ANKRD12: variants seen among roughly 807,000 people sequenced by gnomAD.
The protein encoded by ANKRD12 is ankyrin repeat domain-containing protein 12.
ANKRD12 carries 85 observed loss-of-function variants against 183.4 expected under a neutral mutation model. That is an observed-to-expected ratio of 0.46 (90% CI 0.39 to 0.56). The LOEUF (loss-of-function observed/expected upper bound fraction) is 0.56, where lower values mean the gene tolerates loss of function less well. ANKRD12 is among the 20% of genes least tolerant of loss of function. The pLI, the probability that ANKRD12 is intolerant of heterozygous loss-of-function variation, is 0.00. For synonymous variants in ANKRD12, 914 were observed against 800.2 expected, an observed-to-expected ratio of 1.14 and a Z score of -2.40; for missense variants, 2,405 against 2,357.1, an observed-to-expected ratio of 1.02 and a Z score of -0.42.
chr18:9,162,681 G>A (rs1307047827), intron 1 of ANKRD12, among the ~76,000 whole-genome samples: 1 of 152,136 alleles, frequency 6.6e-6, no homozygotes, highest in Non-Finnish European at 1.5e-5. Context: ...CAGTGTAAAA[G>A]CATTTCTTTT....
At chr18:9,241,573 G>T (rs1167346690) in intron 8 of ANKRD12, among the ~76,000 whole-genome samples, 2 of 152,162 alleles carry the variant, frequency 1.3e-5, no homozygotes, top group Non-Finnish European at 2.9e-5. Context: ...ATATCCCTGT[G>T]ATGTGAGTGC....
intron 2 of ANKRD12, among the ~76,000 whole-genome samples, chr18:9,191,918 G>A (rs938465561): frequency 3.2e-4 from 48 of 152,224 alleles, no homozygotes; most frequent in Non-Finnish European, 5.6e-4. Context: ...ATTATTCAAG[G>A]TAGCCAATCC....
At chr18:9,137,371 G>C (rs959501183) in intron 1 of ANKRD12, among the ~76,000 whole-genome samples, 4 of 146,474 alleles carry the variant, frequency 2.7e-5, no homozygotes, top group African/African-American at 9.8e-5. Flanking sequence ...GCGGCTGGCG[G>C]GGCTGGGCTG....
At chr18:9,152,705 G>A (rs964035064) in intron 1 of ANKRD12, among the ~76,000 whole-genome samples, 1 of 151,682 alleles carries the variant, frequency 6.6e-6, no homozygotes, top group Admixed American at 6.6e-5. Flanking sequence ...ATGTTCATTT[G>A]TTTTCAAAGG....
intron 3 of ANKRD12, 116 bp downstream of exon 3, chr18:9,195,814 C>T: frequency 2.1e-6 from 2 of 965,402 alleles, no homozygotes; most frequent in Non-Finnish European, 2.9e-6. Context: ...TTGTATTTCA[C>T]TATTTCAGAT....
rs1176383657 is a variant in ANKRD12, at chr18:9,208,822, G to C, written c.451+19G>C. 1 of 1,494,984 alleles carries C rather than the reference G, an allele frequency of 6.7e-7. No individual in the cohort carries two copies. The highest frequency in any genetic ancestry group is 2.4e-5 in the East Asian group (1 of 41,598). The allele number at this position is 1,494,984 out of a possible 1,614,324, so 92.6% of individuals were successfully genotyped here. On this transcript the variant is annotated intron_variant, in intron 5 of 12. Transcript: ENST00000262126. ...AGTCCAGGTGATACCTACCATCATT[G>C]AGTTAATGTGTATCCCTAGTTTTCC... is the stretch of plus-strand genomic sequence containing the variant.
rs527890099 is a variant in ANKRD12 at position 9,191,862 on chromosome 18, A to C, written c.88-3689A>C. 2.3e-3 allele frequency among the ~76,000 whole-genome samples: 349 copies of C among 152,256 alleles called. 1 individual carries two copies. The highest frequency in any genetic ancestry group is 4.0e-3 in the Admixed American group (61 of 15,298). ...CATCTGTCCTAATCACCCCAGAACCAGGCACCAATTAGAGAAACAGCTCCC... is the reference window on the plus strand; with the variant it reads ...CATCTGTCCTAATCACCCCAGAACCCGGCACCAATTAGAGAAACAGCTCCC... On this transcript the variant is annotated intron_variant, in intron 2 of 12. Transcript: ENST00000262126.
intron 8 of ANKRD12, among the ~76,000 whole-genome samples, chr18:9,231,893 T>G (rs1391851357): frequency 6.6e-6 from 1 of 152,144 alleles, no homozygotes; most frequent in Non-Finnish European, 1.5e-5. Context: ...TGCTTTTGGT[T>G]TCCATTTGTG....
intron 10 of ANKRD12, among the ~76,000 whole-genome samples, chr18:9,273,590 A>G (rs2039702894): frequency 6.6e-6 from 1 of 152,218 alleles, no homozygotes; most frequent in Non-Finnish European, 1.5e-5. Context: ...CAACAAGTTA[A>G]ACAGAGTCAC....
rs142726362 is a variant in ANKRD12 at position 9,248,312 on chromosome 18, G to A, written c.944-5899G>A. 6.6e-3 allele frequency among the ~76,000 whole-genome samples: 1,010 copies of A among 152,282 alleles called. 22 individuals are homozygous for A. The highest frequency in any genetic ancestry group is 0.023 in the African/African-American group (953 of 41,554). On this transcript the variant is annotated intron_variant, in intron 8 of 12. Transcript: ENST00000262126. ...TCTTTTGAAACATTTGTGGCACTCA[G>A]TATTGACATAAACTTGCTGTACAAT...
chr18:9,252,682 G>A (rs890824328), intron 8 of ANKRD12, among the ~76,000 whole-genome samples: 1 of 152,152 alleles, frequency 6.6e-6, no homozygotes, highest in African/African-American at 2.4e-5. Flanking sequence ...ACAGGGCTGG[G>A]TGCTGGGTAC....
At position 9,282,107 on chromosome 18, in the gene ANKRD12, T is replaced by C. The variant is rs2040122619; in HGVS notation, c.*981T>C. On this transcript the variant is annotated 3_prime_UTR_variant, in exon 13 of 13. Coordinates refer to ENST00000262126, the MANE Select transcript of ANKRD12 (RefSeq NM_015208.5). ...ATGCCTTTGAATGAAAATTCTGAAATTGTAAATGTCTATTTTAATATTCAC... is the reference window on the plus strand; with the variant it reads ...ATGCCTTTGAATGAAAATTCTGAAACTGTAAATGTCTATTTTAATATTCAC... 6.6e-6 allele frequency: 1 copy of C among 152,600 alleles called. No individual in the cohort carries two copies. Among genetic ancestry groups the C allele is most frequent in the African/African-American group, 2.4e-5 (1 of 41,454 alleles). 9.5% of individuals were successfully genotyped at this position (152,600 alleles called of 1,614,324 possible).
chr18:9,228,480 CTG>C (rs966015939), intron 8 of ANKRD12, among the ~76,000 whole-genome samples: 1 of 152,150 alleles, frequency 6.6e-6, no homozygotes, highest in African/African-American at 2.4e-5. Context: ...TCGCCAGTAA[CTG>C]TTATTTTTTG....
rs766074445 is a variant in ANKRD12 at position 9,258,736 on chromosome 18, T to C, written c.5469T>C (p.Asp1823=). ...CCATTGTAGATTCTCTAAAACTAGA[T>C]GAGATTCAGCCATACAGTTCAGAGA... ...LAAIVDSLKL[D]EIQPYSSERA... The change falls in exon 9 of 13, where the codon GAT becomes GAC. Residue 1823 remains aspartate, a synonymous_variant. Coordinates refer to ENST00000262126, the MANE Select transcript of ANKRD12 (RefSeq NM_015208.5). 1.2e-6 allele frequency: 2 copies of C among 1,611,210 alleles called. No individual in the cohort carries two copies. The highest frequency in any genetic ancestry group is 4.5e-5 in the East Asian group (2 of 44,830).
At chr18:9,228,802 G>T (rs776732778) in intron 8 of ANKRD12, among the ~76,000 whole-genome samples, 2 of 151,948 alleles carry the variant, frequency 1.3e-5, no homozygotes, top group African/African-American at 4.8e-5. Flanking sequence ...CTATGGAGGA[G>T]TTTTATAGTT....
chr18:9,245,840 G>A (rs1311941377), intron 8 of ANKRD12, among the ~76,000 whole-genome samples: 3 of 152,016 alleles, frequency 2.0e-5, no homozygotes, highest in African/African-American at 7.2e-5. Flanking sequence ...AGATACTTAC[G>A]GAAAGGTCAC....
At position 9,254,760 on chromosome 18, in the gene ANKRD12, C is replaced by T. The variant is rs371838236; in HGVS notation, c.1493C>T (p.Thr498Ile). 9 of 1,468,038 alleles carry T rather than the reference C, an allele frequency of 6.1e-6. No homozygotes were observed. Among genetic ancestry groups the T allele is most frequent in the Non-Finnish European group, 8.1e-6 (9 of 1,110,226 alleles). The allele number at this position is 1,468,038 out of a possible 1,614,324, so 90.9% of individuals were successfully genotyped here. The change falls in exon 9 of 13, where the codon ACA becomes ATA. Residue 498 changes from threonine (T) to isoleucine (I), a missense_variant. Transcript: ENST00000262126. ...CAAGAAAAGGAAGGAAAAGAAAATA[C>T]AAGAATAACAAACTTGACAGTAAAT... Reference protein sequence around the residue: ...LKQEKEGKENTRITNLTVNTG... With the variant: ...LKQEKEGKENIRITNLTVNTG...
Position 9,258,391 on chromosome 18 carries a change from T to C in ANKRD12, c.5124T>C (p.His1708=). ...AGCAGTCAACTCAACCAGAAATGCATAAATATGGTCAGTTAGTTAAAGTAG... is the reference window on the plus strand; with the variant it reads ...AGCAGTCAACTCAACCAGAAATGCACAAATATGGTCAGTTAGTTAAAGTAG... ...HSQQSTQPEM[H]KYGQLVKVEL... The change falls in exon 9 of 13, where the codon CAT becomes CAC. Residue 1708 remains histidine, a synonymous_variant. Coordinates refer to ENST00000262126, the MANE Select transcript of ANKRD12 (RefSeq NM_015208.5). 6.2e-7 allele frequency: 1 copy of C among 1,613,736 alleles called. No individual in the cohort carries two copies. The highest frequency in any genetic ancestry group is 8.5e-7 in the Non-Finnish European group (1 of 1,179,916).
intron 10 of ANKRD12, among the ~76,000 whole-genome samples, chr18:9,267,607 G>T (rs2039369148): frequency 6.6e-6 from 1 of 151,972 alleles, no homozygotes; most frequent in African/African-American, 2.4e-5. Context: ...GAATCTCTGG[G>T]ACACATTGAA....
Sources: gnomAD v4.1 joint callset for allele counts (sites outside exome capture counted in the v4.1 genomes callset) on GRCh38, gnomAD v4.1.1 for gene constraint, MANE v1.5 for transcripts, NCBI Gene and HGNC (gene_info 2026-07-23, HGNC 2026-07-21) for gene names.